The following ACACA variants were observed in gnomAD, a reference collection of about 807,000 sequenced individuals.
ACACA encodes acetyl-CoA carboxylase 1.
In ACACA, 103 loss-of-function variants were observed where a neutral mutation model predicts 296.1. The observed-to-expected ratio is 0.35, with a 90% CI of 0.30 to 0.41. ACACA has a LOEUF of 0.41. Ranked by LOEUF, ACACA falls within the 10% of genes least tolerant of loss-of-function variation. The pLI is 1.00. For missense variants in ACACA, 1,554 were observed against 2,989.7 expected (o/e 0.52, Z 11.20); for synonymous variants, 953 against 1,038.6 (o/e 0.92, Z 1.58).
intron 50 of ACACA, among the ~76,000 whole-genome samples, chr17:37,118,656 A>G (rs2143008204): frequency 6.6e-6 from 1 of 152,324 alleles, no homozygotes; most frequent in African/African-American, 2.4e-5. Context: ...AGACAGATCC[A>G]CCTTCCTTTC....
At chr17:37,147,411 C>T (rs954712800) in intron 45 of ACACA, among the ~76,000 whole-genome samples, 4 of 152,118 alleles carry the variant, frequency 2.6e-5, no homozygotes, top group African/African-American at 9.7e-5. Context: ...GACTTGCACA[C>T]ACCCAAAGTA....
chr17:37,163,100 G>C (rs1053987562), intron 41 of ACACA: 1 of 146,982 alleles, frequency 6.8e-6, no homozygotes, highest in Non-Finnish European at 1.5e-5. Context: ...GTTAGCATAA[G>C]CCATACTTCA....
intron 46 of ACACA, among the ~76,000 whole-genome samples, 186 bp from the exon 47 acceptor site, chr17:37,129,671 T>C (rs1005727691): frequency 6.6e-5 from 10 of 152,160 alleles, no homozygotes; most frequent in Admixed American, 6.5e-4. Context: ...AGGTCAATAG[T>C]CTCATTTAGG....
intron 18 of ACACA, among the ~76,000 whole-genome samples, chr17:37,247,469 G>A (rs1307811469): frequency 6.6e-5 from 10 of 150,972 alleles, no homozygotes; most frequent in African/African-American, 1.5e-4. Context: ...CCAGGTTCAC[G>A]TGATTCTCCT....
At chr17:37,173,934 C>G (rs1350881211) in intron 41 of ACACA, among the ~76,000 whole-genome samples, 1 of 134,990 alleles carries the variant, frequency 7.4e-6, no homozygotes. Flanking sequence ...GTGCCTCAGT[C>G]TCCTGAGTAG....
At chr17:37,174,545 T>G (rs1276243494) in intron 41 of ACACA, among the ~76,000 whole-genome samples, 3 of 152,150 alleles carry the variant, frequency 2.0e-5, no homozygotes, top group Non-Finnish European at 4.4e-5. Context: ...TCTTTTTCTT[T>G]TTTTTTGAGA....
intron 54 of ACACA, among the ~76,000 whole-genome samples, chr17:37,096,210 G>T (rs2072981275): frequency 6.6e-6 from 1 of 152,108 alleles, no homozygotes; most frequent in Admixed American, 6.5e-5. Flanking sequence ...AGAAATCAGA[G>T]CATGTCACTC....
At chr17:37,396,137 C>T (rs982248715) in intron 1 of ACACA, among the ~76,000 whole-genome samples, 15 of 151,906 alleles carry the variant, frequency 9.9e-5, no homozygotes, top group Non-Finnish European at 1.9e-4. Context: ...GTCAGGAGTT[C>T]GAGGCCAGCC....
At chr17:37,326,326 G>A (rs2047620066) in intron 3 of ACACA, among the ~76,000 whole-genome samples, 1 of 151,810 alleles carries the variant, frequency 6.6e-6, no homozygotes, top group African/African-American at 2.4e-5. Context: ...ACCTGAGGTT[G>A]GGAGTTCGAG....
chr17:37,278,322 G>A (rs1223081784), intron 5 of ACACA, among the ~76,000 whole-genome samples: 1 of 152,124 alleles, frequency 6.6e-6, no homozygotes, highest in Non-Finnish European at 1.5e-5. Context: ...GGGCCCAAGT[G>A]CAATTACTCT....
intron 1 of ACACA, 78 bp downstream of exon 1, chr17:37,406,184 G>T: frequency 6.6e-7 from 1 of 1,509,180 alleles, no homozygotes; most frequent in Non-Finnish European, 9.2e-7. Flanking sequence ...TGCAATGTCT[G>T]GCATGCAATA....
intron 5 of ACACA, among the ~76,000 whole-genome samples, chr17:37,278,958 G>C (rs2082387469): frequency 6.6e-6 from 1 of 152,110 alleles, no homozygotes; most frequent in Non-Finnish European, 1.5e-5. Flanking sequence ...GTGGTTTGCT[G>C]TACCTATCAA....
chr17:37,143,543 AC>A (rs1162214975), intron 45 of ACACA: 2 of 508,922 alleles, frequency 3.9e-6, no homozygotes, highest in Non-Finnish European at 7.0e-6. Flanking sequence ...TGTTAACTAT[AC>A]AAAAGAAGAC....
At chr17:37,119,554 C>T (rs2074416550) in intron 50 of ACACA, among the ~76,000 whole-genome samples, 1 of 150,462 alleles carries the variant, frequency 6.6e-6, no homozygotes. Flanking sequence ...TGGTAGTTCT[C>T]CAGCAAATAC....
chr17:37,303,148 A>C (rs2146913392), intron 3 of ACACA, among the ~76,000 whole-genome samples: 1 of 152,110 alleles, frequency 6.6e-6, no homozygotes, highest in East Asian at 1.9e-4. Flanking sequence ...AGTAGCAGCC[A>C]CTCCTCATTT....
chr17:37,112,329 T>C (rs539835294), intron 51 of ACACA, among the ~76,000 whole-genome samples: 2 of 152,338 alleles, frequency 1.3e-5, no homozygotes, highest in South Asian at 4.1e-4. Flanking sequence ...ACTATGTACA[T>C]GGCACTGTTC....
At position 37,391,567 on chromosome 17, in the gene ACACA, T is replaced by G. The variant is rs931134531; in HGVS notation, c.38+14695A>C. On this transcript the variant is annotated intron_variant, in intron 1 of 55. Coordinates refer to ENST00000616317, the MANE Select transcript of ACACA (RefSeq NM_198834.3). ...TTGGAATTACATGGGGTTTTGTACTTAGCCAGCCCTTTTCTTGGTACATGA... is the reference window on the plus strand; with the variant it reads ...TTGGAATTACATGGGGTTTTGTACTGAGCCAGCCCTTTTCTTGGTACATGA... 1.6e-5 allele frequency: 21 copies of G among 1,297,534 alleles called. No homozygotes were observed. The Admixed American group carries it at 3.6e-4, about 22-fold the overall frequency. 80.4% of individuals were successfully genotyped at this position (1,297,534 alleles called of 1,614,324 possible). A position where few individuals can be genotyped will look rare whatever the true frequency, so the allele number is the denominator to read the frequency against.
intron 3 of ACACA, among the ~76,000 whole-genome samples, chr17:37,314,735 G>A (rs2047006353): frequency 6.7e-6 from 1 of 149,164 alleles, no homozygotes; most frequent in Admixed American, 6.7e-5. Context: ...CCGCCTTCTG[G>A]GTTCAAGTGA....
At chr17:37,291,774 A>G (rs1313721911) in intron 3 of ACACA, among the ~76,000 whole-genome samples, 1 of 152,216 alleles carries the variant, frequency 6.6e-6, no homozygotes, top group Non-Finnish European at 1.5e-5. Context: ...ACACCTGATG[A>G]TGTTATTAAA....
Sources: allele counts gnomAD v4.1 joint callset (sites outside exome capture counted in the v4.1 genomes callset), GRCh38; gene constraint gnomAD v4.1.1; transcripts MANE v1.5; gene names NCBI Gene and HGNC (gene_info 2026-07-23, HGNC 2026-07-21).